Variants in STXBP6 observed in about 807,000 individuals in gnomAD.
STXBP6 encodes syntaxin binding protein 6, also known as syntaxin-binding protein 6.
In STXBP6, 21 loss-of-function variants were observed where a neutral mutation model predicts 26.9. That is an observed-to-expected ratio of 0.78 (90% CI 0.55 to 1.12). STXBP6 has a LOEUF of 1.12. Ranked by LOEUF, STXBP6 falls within the 50% of genes most tolerant of loss-of-function variation. The pLI is 0.00. For synonymous variants in STXBP6, 97 were observed against 92.6 expected, an observed-to-expected ratio of 1.05 and a Z score of -0.27; for missense variants, 232 against 257.9, an observed-to-expected ratio of 0.90 and a Z score of 0.69.
chr14:24,900,144 T>C (rs1473060372), intron 2 of STXBP6, among the ~76,000 whole-genome samples: 10 of 152,246 alleles, frequency 6.6e-5, no homozygotes, highest in Admixed American at 6.5e-4. Flanking sequence ...TAGATTTTTC[T>C]TTTTTCATTT....
At chr14:24,992,988 C>A (rs1044820281) in intron 1 of STXBP6, among the ~76,000 whole-genome samples, 1 of 152,208 alleles carries the variant, frequency 6.6e-6, no homozygotes, top group Non-Finnish European at 1.5e-5. Context: ...CACTCTTTCA[C>A]AGTTGCTGCT....
At chr14:24,892,274 G>A (rs1186496958) in intron 2 of STXBP6, among the ~76,000 whole-genome samples, 1 of 152,022 alleles carries the variant, frequency 6.6e-6, no homozygotes, top group Non-Finnish European at 1.5e-5. Context: ...GGAAAGTGGG[G>A]GGAAAAGAGG....
chr14:24,907,820 C>T (rs901605581), intron 2 of STXBP6, among the ~76,000 whole-genome samples: 8 of 151,658 alleles, frequency 5.3e-5, no homozygotes, highest in African/African-American at 1.9e-4. Context: ...CCTTGTTTTC[C>T]ATTTCCTCTG....
chr14:24,983,967 A>G (rs1409638690), intron 1 of STXBP6, among the ~76,000 whole-genome samples: 1 of 152,216 alleles, frequency 6.6e-6, no homozygotes, highest in Non-Finnish European at 1.5e-5. Context: ...ATCAAACATC[A>G]ATTTTAAAAC....
At chr14:24,903,015 G>C (rs1336221337) in intron 2 of STXBP6, among the ~76,000 whole-genome samples, 1 of 152,080 alleles carries the variant, frequency 6.6e-6, no homozygotes, top group East Asian at 1.9e-4. Context: ...TTGAAGACTG[G>C]TGGATCTATG....
intron 4 of STXBP6, among the ~76,000 whole-genome samples, chr14:24,833,665 C>T (rs1190639736): frequency 3.3e-5 from 5 of 152,088 alleles, no homozygotes; most frequent in African/African-American, 1.2e-4. Context: ...GGATCAACTT[C>T]TGGACATGGC....
At chr14:24,911,205 C>T (rs1309443551) in intron 2 of STXBP6, among the ~76,000 whole-genome samples, 1 of 151,978 alleles carries the variant, frequency 6.6e-6, no homozygotes, top group East Asian at 1.9e-4. Flanking sequence ...GGCATACTGG[C>T]ACATACCCAT....
chr14:25,036,685 T>C (rs1490709860), intron 1 of STXBP6, among the ~76,000 whole-genome samples: 1 of 151,814 alleles, frequency 6.6e-6, no homozygotes, highest in Non-Finnish European at 1.5e-5. Flanking sequence ...AAACCCCGTC[T>C]CTACTAAAAA....
intron 1 of STXBP6, among the ~76,000 whole-genome samples, chr14:25,010,889 G>T (rs2075013419): frequency 6.6e-6 from 1 of 152,060 alleles, no homozygotes; most frequent in East Asian, 1.9e-4. Flanking sequence ...TCCTATGAAA[G>T]AACCACCTTT....
rs997216436 is a variant in STXBP6 at position 24,856,932 on chromosome 14, A to C, written c.285+95T>G. On this transcript the variant is annotated intron_variant, in intron 3 of 5. Transcript: ENST00000323944. Reference sequence around the variant, plus strand: ...TTGAAATAGAGAAATAGCCTTCTTAAGAATGATTCAAACCACCACTACCAC... The same window carrying C: ...TTGAAATAGAGAAATAGCCTTCTTACGAATGATTCAAACCACCACTACCAC... 9.1e-6 allele frequency: 13 copies of C among 1,426,776 alleles called. No individual in the cohort carries two copies. In the African/African-American group the frequency reaches 1.7e-4, roughly 19 times the overall value. The allele number at this position is 1,426,776 out of a possible 1,614,324, so 88.4% of individuals were successfully genotyped here. A position where few individuals can be genotyped will look rare whatever the true frequency, so the allele number is the denominator to read the frequency against.
chr14:25,033,840 G>A lies in STXBP6; in HGVS notation c.-33+16038C>T, dbSNP rs144744689. ...TCTGATTTTGCTCACCATGAAAATC[G>A]GTTACACACGTAGACTCTTTTGCTG... is the stretch of plus-strand genomic sequence containing the variant. On this transcript the variant is annotated intron_variant, in intron 1 of 5. Transcript: ENST00000323944. 6.4e-4 allele frequency among the ~76,000 whole-genome samples: 98 copies of A among 152,226 alleles called. 1 individual carries two copies. The East Asian group carries it at 0.017, about 26-fold the overall frequency.
chr14:24,923,221 T>G (rs28454156), intron 2 of STXBP6, among the ~76,000 whole-genome samples: 2,073 of 152,276 alleles, frequency 0.014, 47 homozygotes, highest in African/African-American at 0.047. Context: ...ATTTTTGTTA[T>G]AAACTTTATA....
intron 1 of STXBP6, among the ~76,000 whole-genome samples, chr14:24,984,818 C>T (rs539396368): frequency 6.1e-4 from 93 of 152,250 alleles, no homozygotes; most frequent in African/African-American, 2.1e-3. Flanking sequence ...GAAACTAAAG[C>T]TAATTGGTTA....
intron 1 of STXBP6, among the ~76,000 whole-genome samples, chr14:24,981,411 C>T (rs1217424146): frequency 2.0e-5 from 3 of 152,084 alleles, no homozygotes; most frequent in Non-Finnish European, 4.4e-5. Context: ...GCTGGAATTA[C>T]AAGTGTATGT....
At chr14:24,934,045 T>C (rs926648772) in intron 2 of STXBP6, among the ~76,000 whole-genome samples, 1 of 151,666 alleles carries the variant, frequency 6.6e-6, no homozygotes, top group African/African-American at 2.4e-5. Flanking sequence ...ATTGAAGCAA[T>C]GAAAGAGAAG....
intron 4 of STXBP6, among the ~76,000 whole-genome samples, chr14:24,839,273 G>C (rs79194955): frequency 0.026 from 3,948 of 152,204 alleles, 195 homozygotes; most frequent in East Asian, 0.21. Flanking sequence ...GAAAGGAATG[G>C]AATTCCTTTC....
intron 2 of STXBP6, among the ~76,000 whole-genome samples, chr14:24,922,499 CTG>C (rs1196329828): frequency 6.6e-6 from 1 of 152,116 alleles, no homozygotes; most frequent in African/African-American, 2.4e-5. Context: ...GCTATCATCT[CTG>C]TAAAGATAAC....
At chr14:25,016,834 C>T (rs1156636705) in intron 1 of STXBP6, among the ~76,000 whole-genome samples, 2 of 152,134 alleles carry the variant, frequency 1.3e-5, no homozygotes, top group Non-Finnish European at 2.9e-5. Context: ...CATGGCTTCA[C>T]ACAATACTTC....
At chr14:24,832,944 A>G (rs1488490452) in intron 4 of STXBP6, among the ~76,000 whole-genome samples, 1 of 152,196 alleles carries the variant, frequency 6.6e-6, no homozygotes, top group Non-Finnish European at 1.5e-5. Flanking sequence ...CCTAATGGCT[A>G]CTCTTTAAGA....
Sources: allele counts gnomAD v4.1 joint callset (sites outside exome capture counted in the v4.1 genomes callset), GRCh38; gene constraint gnomAD v4.1.1; transcripts MANE v1.5; gene names NCBI Gene and HGNC (gene_info 2026-07-23, HGNC 2026-07-21).